LRP1: variants seen among roughly 807,000 people sequenced by gnomAD.
LRP1 encodes the protein LDL receptor related protein 1.
Under a neutral mutation model 541.5 loss-of-function variants are expected in LRP1, and 51 were observed. The observed-to-expected ratio is 0.09, with a 90% CI of 0.08 to 0.12. The LOEUF is 0.12. Ranked by LOEUF, LRP1 falls within the 10% of genes least tolerant of loss-of-function variation. The pLI is 1.00. For missense variants in LRP1, 3,878 were observed against 6,376.2 expected, an observed-to-expected ratio of 0.61 and a Z score of 13.34; for synonymous variants, 2,219 against 2,470.8, an observed-to-expected ratio of 0.90 and a Z score of 3.02.
chr12:57,145,339 C>G lies in LRP1; in HGVS notation c.690C>G (p.Thr230=), dbSNP rs2035381991. The G allele has an allele frequency of 3.1e-6, 5 of 1,614,190 alleles. No individual in the cohort carries two copies. The highest frequency in any genetic ancestry group is 4.2e-6 in the Non-Finnish European group (5 of 1,180,046). The part of the protein sequence containing the change: ...STITPTSTRQ[T]TAMDFSYANE... ...TCACACCTACGAGCACGCGGCAGAC[C>G]ACAGCCATGGACTTCAGCTATGCCA... is the stretch of plus-strand genomic sequence containing the variant. Residue 230 remains threonine, a synonymous_variant, in exon 6 of 89, where the codon ACC becomes ACG. Coordinates refer to ENST00000243077, the MANE Select transcript of LRP1 (RefSeq NM_002332.3).
In LRP1 at chr12:57,143,710, C is replaced by T. The variant is rs1228576576; in HGVS notation, c.360C>T (p.Cys120=). ...ELQGNCSRLG[C]QHHCVPTLDG... is the part of the protein sequence containing the mutation. ...AAGGCAACTGCTCTCGCCTGGGCTG[C>T]CAGCACCATTGTGTCCCCACACTCG... The change falls in exon 4 of 89, where the codon TGC becomes TGT. Residue 120 remains cysteine (C), a synonymous_variant. Transcript: ENST00000243077. The T allele has an allele frequency of 6.2e-7, 1 of 1,614,116 alleles. No individual in the cohort carries two copies. The highest frequency in any genetic ancestry group is 1.1e-5 in the South Asian group (1 of 91,070).
intron 6 of LRP1, among the ~76,000 whole-genome samples, chr12:57,151,266 G>A (rs1253469723): frequency 1.3e-5 from 2 of 152,248 alleles, no homozygotes; most frequent in Non-Finnish European, 2.9e-5. Flanking sequence ...GGGATGGGGT[G>A]CCAGGACACC....
chr12:57,135,557 T>C (rs2035141500), intron 1 of LRP1, among the ~76,000 whole-genome samples: 1 of 152,222 alleles, frequency 6.6e-6, no homozygotes, highest in South Asian at 2.1e-4. Context: ...GCCTTCTCGC[T>C]CCAGATTCCT....
At position 57,177,932 on chromosome 12, in the gene LRP1, G is replaced by A. The variant is rs1442238318; in HGVS notation, c.4361+341G>A. 1.3e-5 allele frequency among the ~76,000 whole-genome samples: 2 copies of A among 150,590 alleles called. No individual in the cohort carries two copies. Among genetic ancestry groups the A allele is most frequent in the Non-Finnish European group, 2.9e-5 (2 of 67,832 alleles). On this transcript the variant is annotated intron_variant, in intron 26 of 88. Transcript: ENST00000243077. This position sits in a 1 kb window ranked among gnomAD's most constrained non-coding sequence, Gnocchi z 6.8. The stretch of plus-strand genomic sequence containing the variant: ...TTTCTAATTGGTCTGCCCAGGGAGG[G>A]TGCCTTTTTCTTTTCTTTTTTTTTT...
intron 2 of LRP1, 122 bp downstream of exon 2, chr12:57,138,703 T>C (rs1041962223): frequency 7.3e-7 from 1 of 1,374,350 alleles, no homozygotes. Context: ...GTGATTGTAT[T>C]TGTCCATGAC....
chr12:57,193,491 C>A, intron 46 of LRP1, 75 bp from the exon 47 acceptor site: 1 of 1,567,254 alleles, frequency 6.4e-7, no homozygotes, highest in Non-Finnish European at 8.7e-7. Context: ...CAGCTGGACA[C>A]GTGCATGACG....
intron 2 of LRP1, among the ~76,000 whole-genome samples, chr12:57,139,113 C>T (rs1178921048): frequency 6.6e-6 from 1 of 152,232 alleles, no homozygotes; most frequent in African/African-American, 2.4e-5. Context: ...GGTCCCCGCC[C>T]AGCTTTTGCC....
chr12:57,162,210 G>T lies in LRP1; in HGVS notation c.2203-107G>T. The stretch of plus-strand genomic sequence containing the variant: ...CTCCCAGGCTAATGGGGGAAACAAA[G>T]CAAAACCCATGCCCAGGACATAGAC... On this transcript the variant is annotated intron_variant, in intron 13 of 88. Coordinates refer to ENST00000243077, the MANE Select transcript of LRP1 (RefSeq NM_002332.3). The surrounding 1 kb of genome is among the most constrained non-coding windows in gnomAD (Gnocchi z 5.2). 9.7e-7 allele frequency: 1 copy of T among 1,026,986 alleles called. No individual in the cohort carries two copies. The highest frequency in any genetic ancestry group is 1.6e-5 in the African/African-American group (1 of 63,728). 63.6% of individuals were successfully genotyped at this position (1,026,986 alleles called of 1,614,324 possible).
chr12:57,170,309 T>C (rs946627590), intron 20 of LRP1, among the ~76,000 whole-genome samples: 2 of 152,226 alleles, frequency 1.3e-5, no homozygotes, highest in African/African-American at 2.4e-5. Context: ...ACAGGTATTA[T>C]GGGATAGGAC....
chr12:57,149,463 C>G (rs1478652631), intron 6 of LRP1: 1 of 601,426 alleles, frequency 1.7e-6, no homozygotes, highest in Non-Finnish European at 3.0e-6. Flanking sequence ...CCAGACTGCT[C>G]CCAGCACTCC....
In LRP1 at chr12:57,200,430, C is replaced by A; in HGVS notation, c.10015-12C>A. On this transcript the variant is annotated splice_polypyrimidine_tract_variant and intron_variant, in intron 62 of 88. Coordinates refer to ENST00000243077, the MANE Select transcript of LRP1 (RefSeq NM_002332.3). Reference sequence around the variant, plus strand: ...CCCCCACCAACCCCTCTTGCCCCCACCTGCCCTCCAGTTTGTATGCAAGAA... The same window carrying A: ...CCCCCACCAACCCCTCTTGCCCCCAACTGCCCTCCAGTTTGTATGCAAGAA... 6.4e-7 allele frequency: 1 copy of A among 1,569,480 alleles called. No homozygotes were observed. Among genetic ancestry groups the A allele is most frequent in the Non-Finnish European group, 8.8e-7 (1 of 1,139,944 alleles).
intron 11 of LRP1, among the ~76,000 whole-genome samples, 153 bp from the exon 12 acceptor site, chr12:57,159,672 C>T (rs1414551145): frequency 6.6e-6 from 1 of 152,206 alleles, no homozygotes; most frequent in Non-Finnish European, 1.5e-5. Context: ...CCTCCTGTCC[C>T]TACCCCCACC....
At position 57,206,364 on chromosome 12, in the gene LRP1, G is replaced by A; in HGVS notation, c.11591-109G>A. On this transcript the variant is annotated intron_variant, in intron 75 of 88. Coordinates refer to ENST00000243077, the MANE Select transcript of LRP1 (RefSeq NM_002332.3). This position sits in a 1 kb window ranked among gnomAD's most constrained non-coding sequence, Gnocchi z 4.7. Reference sequence around the variant, plus strand: ...GGGTAAGCAGCAGCTTCTGGCCGGAGCAGATGGTCCTACCAGGAGATGGGA... The same window carrying A: ...GGGTAAGCAGCAGCTTCTGGCCGGAACAGATGGTCCTACCAGGAGATGGGA... 1 of 1,175,548 alleles carries A rather than the reference G, an allele frequency of 8.5e-7. No individual in the cohort carries two copies. The highest frequency in any genetic ancestry group is 1.4e-5 in the South Asian group (1 of 71,942). The allele number at this position is 1,175,548 out of a possible 1,614,324, so 72.8% of individuals were successfully genotyped here.
chr12:57,183,861 A>G lies in LRP1; in HGVS notation c.5881A>G (p.Thr1961Ala), dbSNP rs2036216163. 2 of 1,614,056 alleles carry G rather than the reference A, an allele frequency of 1.2e-6. No individual in the cohort carries two copies. Among genetic ancestry groups the G allele is most frequent in the African/African-American group, 1.3e-5 (1 of 74,914 alleles). ...CCAGACGTGGCGTGAAGACGTGGTG[A>G]CCAATGGCATTGGCCGTGTGGAGGG... Reference protein sequence around the residue: ...RDQTWREDVVTNGIGRVEGIA... With the variant: ...RDQTWREDVVANGIGRVEGIA... Residue 1961 changes from threonine (T) to alanine (A), a missense_variant, in exon 36 of 89, where the codon ACC becomes GCC. Physicochemically the swap from Thr to Ala is moderately conservative, Grantham distance 58. Transcript: ENST00000243077. This position sits in a 1 kb window ranked among gnomAD's most constrained non-coding sequence, Gnocchi z 6.1.
chr12:57,198,558 C>A lies in LRP1; in HGVS notation c.9564C>A (p.Ile3188=). The A allele has an allele frequency of 6.2e-7, 1 of 1,614,032 alleles. No individual in the cohort carries two copies. The highest frequency in any genetic ancestry group is 1.1e-5 in the South Asian group (1 of 91,056). Reference sequence around the variant, plus strand: ...GCAGCGTCATCGTGGACACCAAGATCACATGGCCCAATGGCCTGACGCTGG... The same window carrying A: ...GCAGCGTCATCGTGGACACCAAGATAACATGGCCCAATGGCCTGACGCTGG... The part of the protein sequence containing the change: ...SSRSVIVDTK[I]TWPNGLTLDY... Residue 3188 remains isoleucine, a synonymous_variant, in exon 60 of 89, where the codon ATC becomes ATA. Coordinates refer to ENST00000243077, the MANE Select transcript of LRP1 (RefSeq NM_002332.3).
chr12:57,169,520 G>A (rs1592627583), intron 20 of LRP1, among the ~76,000 whole-genome samples: 1 of 152,336 alleles, frequency 6.6e-6, no homozygotes, highest in South Asian at 2.1e-4. Flanking sequence ...AATATCATGC[G>A]CTTTGCAGTT....
chr12:57,197,390 A>G lies in LRP1; in HGVS notation c.9162+6A>G, dbSNP rs1057158840. 3 of 1,611,602 alleles carry G rather than the reference A, an allele frequency of 1.9e-6. No homozygotes were observed. The highest frequency in any genetic ancestry group is 1.1e-5 in the South Asian group (1 of 90,918). ...ACTACACGTTACTTAAGCAGGTACC[A>G]AACCCAGGCCCTCCTCCCCGCTGCC... is the stretch of plus-strand genomic sequence containing the variant. On this transcript the variant is annotated splice_donor_region_variant and intron_variant, in intron 57 of 88. Coordinates refer to ENST00000243077, the MANE Select transcript of LRP1 (RefSeq NM_002332.3). This position sits in a 1 kb window ranked among gnomAD's most constrained non-coding sequence, Gnocchi z 4.5.
chr12:57,175,236 C>A (rs1352497293), intron 22 of LRP1, among the ~76,000 whole-genome samples: 1 of 152,144 alleles, frequency 6.6e-6, no homozygotes, highest in Non-Finnish European at 1.5e-5. Context: ...AGGTATGGTG[C>A]CAGCTGGTGG....
At chr12:57,170,747 T>A (rs1265630668) in intron 20 of LRP1, among the ~76,000 whole-genome samples, 1 of 152,024 alleles carries the variant, frequency 6.6e-6, no homozygotes, top group Non-Finnish European at 1.5e-5. Context: ...GCCCAGGAGG[T>A]TGAGGCTGCA....
Sources: gnomAD v4.1 joint callset for allele counts (sites outside exome capture counted in the v4.1 genomes callset) on GRCh38, gnomAD v4.1.1 for gene constraint, Gnocchi (gnomAD v3.1) non-coding constraint, MANE v1.5 for transcripts, NCBI Gene and HGNC (gene_info 2026-07-23, HGNC 2026-07-21) for gene names.